The following SLC9A2 variants were observed in gnomAD, a reference collection of about 807,000 sequenced individuals.
SLC9A2 encodes the protein solute carrier family 9 member A2, also known as sodium/hydrogen exchanger 2.
Under a neutral mutation model 71.7 loss-of-function variants are expected in SLC9A2, and 42 were observed. That is an observed-to-expected ratio of 0.59 (90% CI 0.46 to 0.76). The LOEUF (loss-of-function observed/expected upper bound fraction) is 0.76. SLC9A2 is among the 30% of genes least tolerant of loss of function. SLC9A2 has a pLI of 0.00. For synonymous variants in SLC9A2, 396 were observed against 392.5 expected (o/e 1.01, Z -0.10); for missense variants, 829 against 1,017.4 (o/e 0.81, Z 2.52).
chr2:102,707,264 T>C (rs769898440), intron 11 of SLC9A2, among the ~76,000 whole-genome samples: 1 of 151,924 alleles, frequency 6.6e-6, no homozygotes, highest in Non-Finnish European at 1.5e-5. Context: ...AAAATTTTCT[T>C]TAAATGTGGG....
At chr2:102,678,569 G>C (rs533910365) in intron 3 of SLC9A2, among the ~76,000 whole-genome samples, 1 of 152,280 alleles carries the variant, frequency 6.6e-6, no homozygotes, top group East Asian at 1.9e-4. Flanking sequence ...TGAGGCTGTG[G>C]ACTCCGGTCA....
chr2:102,704,413 C>T lies in SLC9A2; in HGVS notation c.1846-131C>T, dbSNP rs946559857. On this transcript the variant is annotated intron_variant, in intron 9 of 11. Transcript: ENST00000233969. ...TATACTGTTAATTTAATTTTTTGCT[C>T]TGCACAGAAGTTATAAGTGCTTAGC... The T allele has an allele frequency of 1.1e-5, 7 of 649,790 alleles. No homozygotes were observed. The African/African-American group carries it at 1.3e-4, about 12-fold the overall frequency. 40.3% of individuals were successfully genotyped at this position (649,790 alleles called of 1,614,324 possible). A position where few individuals can be genotyped will look rare whatever the true frequency, so the allele number is the denominator to read the frequency against.
chr2:102,646,692 A>C (rs1676729132), intron 1 of SLC9A2, among the ~76,000 whole-genome samples: 1 of 151,694 alleles, frequency 6.6e-6, no homozygotes, highest in South Asian at 2.1e-4. Context: ...TTAAACCAAC[A>C]AAGATCAAAA....
chr2:102,679,213 T>A (rs1677402207), intron 3 of SLC9A2, among the ~76,000 whole-genome samples: 1 of 152,142 alleles, frequency 6.6e-6, no homozygotes, highest in Non-Finnish European at 1.5e-5. Flanking sequence ...CTGTTCAGTG[T>A]CTCACTGAGG....
intron 1 of SLC9A2, among the ~76,000 whole-genome samples, chr2:102,644,969 C>A (rs186543200): frequency 2.1e-4 from 32 of 152,332 alleles, no homozygotes; most frequent in East Asian, 1.6e-3. Flanking sequence ...ACTGCCTCCT[C>A]AAGTGAGTCC....
chr2:102,620,079 C>A lies in SLC9A2; in HGVS notation c.231C>A (p.His77Gln). The A allele has an allele frequency of 6.2e-7, 1 of 1,613,912 alleles. No individual in the cohort carries two copies. Among genetic ancestry groups the A allele is most frequent in the Non-Finnish European group, 8.5e-7 (1 of 1,179,908 alleles). ...CTGTGTTTACGCTGGATTACCCCCA[C>A]GTGCAGATCCCCTTCGAGATCACCC... ...RLPVFTLDYPHVQIPFEITLW... is the reference protein window; with the variant it reads ...RLPVFTLDYPQVQIPFEITLW... Residue 77 changes from histidine to glutamine, a missense_variant, in exon 1 of 12, where the codon CAC (histidine) becomes CAA (glutamine). His to Gln is a conservative substitution (Grantham distance 24). Around this residue, in one of 3 missense-constraint regions of SLC9A2, gnomAD observed 500 missense variants for 726.3 expected, o/e 0.69. Transcript: ENST00000233969.
Position 102,630,196 on chromosome 2 carries a change from A to G in SLC9A2, c.289+10059A>G, listed in dbSNP as rs902071291. On this transcript the variant is annotated intron_variant, in intron 1 of 11. Transcript: ENST00000233969. Reference sequence around the variant, plus strand: ...TATTTTCCAGTTTTTCTTCATTGTTACTTTTTATCTCTTTCTGCCTTCCGG... The same window carrying G: ...TATTTTCCAGTTTTTCTTCATTGTTGCTTTTTATCTCTTTCTGCCTTCCGG... Among the ~76,000 whole-genome samples, 4 of 151,864 alleles carry G rather than the reference A, an allele frequency of 2.6e-5. No individual in the cohort carries two copies. The East Asian group carries it at 7.7e-4, about 29-fold the overall frequency.
rs1379096691 is a variant in SLC9A2, at chr2:102,665,135, GA to G, written c.793del (p.Thr265ProfsTer23). On this transcript the variant is annotated frameshift_variant, in exon 3 of 12. Transcript: ENST00000233969. LOFTEE classifies it high-confidence loss of function. ...YNLFKSFCQM[K>X]TIETIDVFAG... ...ACTTGTTCAAGTCGTTTTGCCAGAT[GA>G]AAACCATTGAGACCATTGATGTGTT... The G allele has an allele frequency of 2.5e-6, 4 of 1,613,736 alleles. No individual in the cohort carries two copies. Among genetic ancestry groups the G allele is most frequent in the Non-Finnish European group, 3.4e-6 (4 of 1,179,886 alleles).
At chr2:102,651,873 G>C (rs1474419527) in intron 1 of SLC9A2, among the ~76,000 whole-genome samples, 1 of 152,132 alleles carries the variant, frequency 6.6e-6, no homozygotes, top group Non-Finnish European at 1.5e-5. Context: ...CAATATTCTT[G>C]ATGTATAAAG....
intron 1 of SLC9A2, among the ~76,000 whole-genome samples, chr2:102,647,181 T>C (rs1676743701): frequency 1.3e-5 from 2 of 152,138 alleles, no homozygotes; most frequent in Admixed American, 1.3e-4. Context: ...CAGAACTACA[T>C]GGAAACTGAA....
intron 2 of SLC9A2, among the ~76,000 whole-genome samples, chr2:102,660,580 G>T (rs941331874): frequency 3.9e-5 from 6 of 152,180 alleles, no homozygotes; most frequent in African/African-American, 1.4e-4. Flanking sequence ...TCCTAGTCAG[G>T]TACCTTCAAA....
rs1281943013 is a variant in SLC9A2 at position 102,710,823 on chromosome 2, A to G, written c.*2334A>G. 1 of 152,332 alleles carries G rather than the reference A, an allele frequency of 6.6e-6. No individual in the cohort carries two copies. Among genetic ancestry groups the G allele is most frequent in the Non-Finnish European group, 1.5e-5 (1 of 68,042 alleles). 9.4% of individuals were successfully genotyped at this position (152,332 alleles called of 1,614,324 possible). A position where few individuals can be genotyped will look rare whatever the true frequency, so the allele number is the denominator to read the frequency against. ...TTTGTAAAGGCTTTCGTTCGTCCAA[A>G]CAACACTTGATCCAACCAAAGTTCC... On this transcript the variant is annotated 3_prime_UTR_variant, in exon 12 of 12. Coordinates refer to ENST00000233969, the MANE Select transcript of SLC9A2 (RefSeq NM_003048.6).
chr2:102,704,777 T>C, intron 10 of SLC9A2, 102 bp downstream of exon 10: 1 of 1,327,070 alleles, frequency 7.5e-7, no homozygotes, highest in Non-Finnish European at 1.1e-6. Flanking sequence ...AAGTGGCTGT[T>C]GACAGTTCTC....
intron 3 of SLC9A2, 63 bp from the exon 4 acceptor site, chr2:102,683,198 A>G: frequency 8.6e-7 from 1 of 1,157,088 alleles, no homozygotes; most frequent in Non-Finnish European, 1.3e-6. Flanking sequence ...CTTAAGTGCT[A>G]TCTCTTGCAT....
chr2:102,691,358 T>G (rs939498439), intron 5 of SLC9A2, among the ~76,000 whole-genome samples: 1 of 152,232 alleles, frequency 6.6e-6, no homozygotes, highest in African/African-American at 2.4e-5. Context: ...GGTTACTCCC[T>G]GGGTGATCTA....
rs1009842610 is a variant in SLC9A2, at chr2:102,706,710, C to G, written c.2068+774C>G. On this transcript the variant is annotated intron_variant, in intron 11 of 11. Coordinates refer to ENST00000233969, the MANE Select transcript of SLC9A2 (RefSeq NM_003048.6). ...AAGAATCCAATCAGTTATTTTCCAG[C>G]AAATATTGTCATCATGGGGCCCAAG... Among the ~76,000 whole-genome samples the G allele has an allele frequency of 5.3e-5, 8 of 152,272 alleles. No homozygotes were observed. In the East Asian group the frequency reaches 1.3e-3, roughly 26 times the overall value.
chr2:102,669,771 T>C (rs1265635681), intron 3 of SLC9A2, among the ~76,000 whole-genome samples: 1 of 152,198 alleles, frequency 6.6e-6, no homozygotes, highest in African/African-American at 2.4e-5. Context: ...TTGGATAAAT[T>C]GATCACTAAA....
chr2:102,621,767 T>C (rs1676141890), intron 1 of SLC9A2, among the ~76,000 whole-genome samples: 1 of 152,140 alleles, frequency 6.6e-6, no homozygotes. Flanking sequence ...GAAAAGATAG[T>C]ATGCCATTGC....
At chr2:102,701,440 T>G (rs1049466758) in intron 8 of SLC9A2, among the ~76,000 whole-genome samples, 4 of 152,216 alleles carry the variant, frequency 2.6e-5, no homozygotes, top group Admixed American at 2.6e-4. Context: ...TAGGTTCCTT[T>G]GAGCCTGTGG....
Sources: gnomAD v4.1 joint callset for allele counts (sites outside exome capture counted in the v4.1 genomes callset) on GRCh38, gnomAD v4.1.1 for gene constraint, gnomAD v4.1.1 regional missense constraint, MANE v1.5 for transcripts, NCBI Gene and HGNC (gene_info 2026-07-23, HGNC 2026-07-21) for gene names.